BICRAL: variants seen among roughly 807,000 people sequenced by gnomAD.
BICRAL encodes the protein BICRA like chromatin remodeling complex associated protein, also known as BRD4-interacting chromatin-remodeling complex-associated protein-like.
Under a neutral mutation model 91.8 loss-of-function variants are expected in BICRAL, and 8 were observed. The observed-to-expected ratio is 0.09, with a 90% CI of 0.05 to 0.16. The LOEUF is 0.16. BICRAL is among the 10% of genes least tolerant of loss of function. The pLI, the probability that BICRAL is intolerant of heterozygous loss-of-function variation, is 1.00. For missense variants in BICRAL, 1,038 were observed against 1,310.9 expected (o/e 0.79, Z 3.21); for synonymous variants, 445 against 491.1 (o/e 0.91, Z 1.24).
chr6:42,837,199 G>A (rs1019436832), intron 6 of BICRAL, among the ~76,000 whole-genome samples: 5 of 151,556 alleles, frequency 3.3e-5, no homozygotes, highest in Admixed American at 1.3e-4. Flanking sequence ...TGCCTGCCTC[G>A]GCCTCCCAAA....
At chr6:42,780,683 AC>A (rs1190736088), upstream of BICRAL, among the ~76,000 whole-genome samples, 3 of 152,150 alleles carry the variant, frequency 2.0e-5, no homozygotes, top group Non-Finnish European at 4.4e-5. Context: ...TTTGTAGTTA[AC>A]CTAGACTACA....
At chr6:42,834,386 G>C (rs1415747745) in intron 6 of BICRAL, among the ~76,000 whole-genome samples, 5 of 152,154 alleles carry the variant, frequency 3.3e-5, no homozygotes, top group Non-Finnish European at 7.4e-5. Flanking sequence ...TTGAAACTCT[G>C]TAGGCATCCA....
At chr6:42,808,469 T>G (rs980493429) in intron 1 of BICRAL, among the ~76,000 whole-genome samples, 3 of 152,194 alleles carry the variant, frequency 2.0e-5, no homozygotes, top group African/African-American at 7.2e-5. Context: ...TGTATACCTA[T>G]TCTCTTGCTT....
chr6:42,864,543 G>C, intron 12 of BICRAL, 116 bp from the exon 13 acceptor site: 2 of 784,604 alleles, frequency 2.5e-6, no homozygotes, highest in Non-Finnish European at 4.2e-6. Context: ...ATGTGAAGCA[G>C]ATGGATTCTG....
chr6:42,844,361 T>C (rs1206457859), intron 6 of BICRAL, among the ~76,000 whole-genome samples: 1 of 150,636 alleles, frequency 6.6e-6, no homozygotes, highest in African/African-American at 2.4e-5. Flanking sequence ...TACAAAAAAT[T>C]AGCCAGGAGT....
At chr6:42,761,459 T>G (rs989505655) in intron 1 of BICRAL, among the ~76,000 whole-genome samples, 10 of 152,278 alleles carry the variant, frequency 6.6e-5, no homozygotes, top group African/African-American at 1.7e-4. Flanking sequence ...ATAAATTAAT[T>G]AATTAATTCT....
chr6:42,807,827 G>A (rs77399130), intron 1 of BICRAL, among the ~76,000 whole-genome samples: 2,133 of 151,176 alleles, frequency 0.014, 45 homozygotes, highest in African/African-American at 0.049. Context: ...AATAGTGCAC[G>A]CCTGTACAAC....
intron 6 of BICRAL, among the ~76,000 whole-genome samples, chr6:42,833,886 T>A (rs1322513171): frequency 6.6e-6 from 1 of 151,982 alleles, no homozygotes; most frequent in East Asian, 1.9e-4. Context: ...GGAGTTTCGC[T>A]CTTTGTTGCC....
At chr6:42,759,698 A>T (rs900226921) in intron 1 of BICRAL, among the ~76,000 whole-genome samples, 1 of 152,198 alleles carries the variant, frequency 6.6e-6, no homozygotes, top group Non-Finnish European at 1.5e-5. Flanking sequence ...CCTATGCCTC[A>T]TCTTCTCTGC....
At chr6:42,845,858 T>C (rs1240002740) in intron 6 of BICRAL, among the ~76,000 whole-genome samples, 1 of 149,122 alleles carries the variant, frequency 6.7e-6, no homozygotes, top group African/African-American at 2.5e-5. Flanking sequence ...GGTCAGGAGA[T>C]AGAGACCATC....
chr6:42,862,580 C>T lies in BICRAL; in HGVS notation c.2420C>T (p.Ser807Phe). The change falls in exon 12 of 13, where the codon TCC (serine) becomes TTC (phenylalanine). Residue 807 changes from serine (S) to phenylalanine (F), a missense_variant. Ser to Phe is a radical substitution (Grantham distance 155, BLOSUM62 -2). This residue lies in a region of BICRAL where 294 missense variants were observed against 292.6 expected (regional missense o/e 1.00). Coordinates refer to ENST00000314073, the MANE Select transcript of BICRAL (RefSeq NM_001393499.1). ...MFNQEERASL[S>F]RDKRLALVDP... ...AACCAGGAGGAAAGAGCTTCCCTGT[C>T]CCGAGACAAGCGTTTGGCACTTGTA... The T allele has an allele frequency of 6.2e-7, 1 of 1,610,014 alleles. No individual in the cohort carries two copies. The highest frequency in any genetic ancestry group is 1.1e-5 in the South Asian group (1 of 90,918).
chr6:42,801,724 A>G (rs775341681), intron 1 of BICRAL, among the ~76,000 whole-genome samples: 2 of 151,666 alleles, frequency 1.3e-5, no homozygotes, highest in Non-Finnish European at 2.9e-5. Flanking sequence ...TCTACTAAAC[A>G]TACAAAAATT....
chr6:42,838,553 AGCCTCTCACCCTTTGAT>A (rs1440079277), intron 6 of BICRAL, among the ~76,000 whole-genome samples: 1 of 152,224 alleles, frequency 6.6e-6, no homozygotes, highest in Non-Finnish European at 1.5e-5. Context: ...TCTGTTTCTC[AGCCTCTCACCCTTTGAT>A]GCCTCTCACC....
At chr6:42,750,421 C>T (rs1677920835) in intron 1 of BICRAL, among the ~76,000 whole-genome samples, 1 of 152,080 alleles carries the variant, frequency 6.6e-6, no homozygotes, top group South Asian at 2.1e-4. Context: ...ACCTCGGCCC[C>T]TGGAAGTGCT....
At chr6:42,864,542 A>AGAT in intron 12 of BICRAL, 117 bp from the exon 13 acceptor site, 1 of 768,900 alleles carries the variant, frequency 1.3e-6, no homozygotes, top group South Asian at 1.7e-5. Flanking sequence ...TATGTGAAGC[A>AGAT]GATGGATTCT....
chr6:42,846,871 T>A (rs1297375006), intron 6 of BICRAL, among the ~76,000 whole-genome samples: 1 of 152,238 alleles, frequency 6.6e-6, no homozygotes, highest in Non-Finnish European at 1.5e-5. Context: ...TCTGTCTTAC[T>A]GCATTAGCTA....
intron 1 of BICRAL, among the ~76,000 whole-genome samples, chr6:42,806,303 G>T (rs1333463907): frequency 6.6e-6 from 1 of 152,178 alleles, no homozygotes; most frequent in East Asian, 1.9e-4. Context: ...TAGTAACCCA[G>T]ATTCCAGATG....
chr6:42,815,860 C>G (rs1436543670), intron 2 of BICRAL, among the ~76,000 whole-genome samples: 1 of 151,108 alleles, frequency 6.6e-6, no homozygotes, highest in East Asian at 2.0e-4. Flanking sequence ...GGTGGTGTGG[C>G]CCTGTAATCC....
rs546898633 is a variant in BICRAL, at chr6:42,761,110, C to T, written c.-261+14087C>T. Among the ~76,000 whole-genome samples the T allele has an allele frequency of 8.5e-5, 13 of 152,324 alleles. No homozygotes were observed. The South Asian group carries it at 2.3e-3, about 27-fold the overall frequency. ...TGCACCTGTTCTCTCACGTCTCTTC[C>T]TATCAGTGAGATGTAGTGGTGCTAA... On this transcript the variant is annotated intron_variant, in intron 1 of 14. Transcript: ENST00000614467.
Sources: gnomAD v4.1 joint callset for allele counts (sites outside exome capture counted in the v4.1 genomes callset) on GRCh38, gnomAD v4.1.1 for gene constraint, gnomAD v4.1.1 regional missense constraint, MANE v1.5 for transcripts, NCBI Gene and HGNC (gene_info 2026-07-23, HGNC 2026-07-21) for gene names.